The following MARCHF8 variants were observed in gnomAD, a reference collection of about 807,000 sequenced individuals.
The protein encoded by MARCHF8 is membrane associated ring-CH-type finger 8, also known as E3 ubiquitin-protein ligase MARCHF8.
A neutral mutation model predicts 51.6 loss-of-function variants in MARCHF8; 40 were observed. That is an observed-to-expected ratio of 0.77 (90% confidence interval 0.60 to 1.01). MARCHF8 has a LOEUF of 1.01. Ranked by LOEUF, MARCHF8 falls within the 50% of genes least tolerant of loss-of-function variation. MARCHF8 has a pLI of 0.00. For synonymous variants in MARCHF8, 263 were observed against 280.3 expected, an observed-to-expected ratio of 0.94 and a Z score of 0.62; for missense variants, 685 against 708.6, an observed-to-expected ratio of 0.97 and a Z score of 0.38.
chr10:45,517,829 A>C (rs970548), intron 2 of MARCHF8, among the ~76,000 whole-genome samples: 35,587 of 152,122 alleles, frequency 0.23, 4,386 homozygotes, highest in Admixed American at 0.3. Context: ...TGTCCTCCTT[A>C]GCAGACTGAT....
intron 2 of MARCHF8, among the ~76,000 whole-genome samples, chr10:45,502,506 G>A (rs1307187419): frequency 6.6e-6 from 1 of 152,090 alleles, no homozygotes; most frequent in South Asian, 2.1e-4. Context: ...GCATACCATA[G>A]TCAAATTAAT....
chr10:45,534,810 C>T (rs1310203447), intron 1 of MARCHF8, among the ~76,000 whole-genome samples: 2 of 152,104 alleles, frequency 1.3e-5, no homozygotes, highest in African/African-American at 4.8e-5. Flanking sequence ...AAACTCTACT[C>T]TGGATCAAAG....
At chr10:45,499,881 T>C (rs943898177) in intron 2 of MARCHF8, among the ~76,000 whole-genome samples, 1 of 152,202 alleles carries the variant, frequency 6.6e-6, no homozygotes, top group Admixed American at 6.5e-5. Context: ...ACCATCACTT[T>C]GTTCTTTTTG....
intron 2 of MARCHF8, among the ~76,000 whole-genome samples, chr10:45,526,818 T>C (rs1176826626): frequency 2.0e-5 from 3 of 152,096 alleles, no homozygotes; most frequent in African/African-American, 4.8e-5. Flanking sequence ...TCACAGAATA[T>C]ACATTCTTCT....
intron 2 of MARCHF8, among the ~76,000 whole-genome samples, chr10:45,511,728 G>A (rs576917067): frequency 3.3e-4 from 50 of 152,316 alleles, no homozygotes; most frequent in South Asian, 1.2e-3. Context: ...TGCCCAGGCT[G>A]GAGTGCAGTG....
chr10:45,560,251 T>G (rs1162530293), intron 1 of MARCHF8, among the ~76,000 whole-genome samples: 1 of 152,168 alleles, frequency 6.6e-6, no homozygotes, highest in Admixed American at 6.5e-5. Flanking sequence ...TAGGAACAAT[T>G]GCAGAACGAT....
At chr10:45,510,656 AGTAATGTGATTATC>A (rs2043481549) in intron 2 of MARCHF8, among the ~76,000 whole-genome samples, 1 of 152,204 alleles carries the variant, frequency 6.6e-6, no homozygotes, top group African/African-American at 2.4e-5. Flanking sequence ...CCAAATTTCT[AGTAATGTGATTATC>A]TGTTTCCACC....
chr10:45,540,459 A>G (rs1251033917), intron 1 of MARCHF8, among the ~76,000 whole-genome samples: 1 of 152,244 alleles, frequency 6.6e-6, no homozygotes, highest in African/African-American at 2.4e-5. Context: ...TAAAACCATA[A>G]AAACCCTAGA....
intron 1 of MARCHF8, among the ~76,000 whole-genome samples, chr10:45,565,792 G>A (rs2044357963): frequency 6.6e-6 from 1 of 152,120 alleles, no homozygotes; most frequent in South Asian, 2.1e-4. Flanking sequence ...CTGCTCTTGG[G>A]AAAATAGTAT....
intron 2 of MARCHF8, among the ~76,000 whole-genome samples, chr10:45,521,203 G>C (rs1322451063): frequency 6.6e-6 from 1 of 152,166 alleles, no homozygotes; most frequent in Non-Finnish European, 1.5e-5. Context: ...TCTGAATCCA[G>C]AATGTGCCCA....
chr10:45,504,618 A>G (rs1255900772), intron 2 of MARCHF8, among the ~76,000 whole-genome samples: 2 of 152,210 alleles, frequency 1.3e-5, no homozygotes, highest in Non-Finnish European at 2.9e-5. Context: ...AAGTGAATGG[A>G]CACTCACTCA....
chr10:45,530,878 G>A (rs1801322228), intron 2 of MARCHF8, among the ~76,000 whole-genome samples: 3 of 151,978 alleles, frequency 2.0e-5, no homozygotes, highest in Non-Finnish European at 4.4e-5. Flanking sequence ...CAGAAAAGAG[G>A]ACTAAAACTG....
chr10:45,495,440 G>T (rs2043156110), intron 2 of MARCHF8, among the ~76,000 whole-genome samples: 1 of 152,000 alleles, frequency 6.6e-6, no homozygotes, highest in South Asian at 2.1e-4. Context: ...TGATGCTTTT[G>T]TGAGGACCCA....
At chr10:45,459,920 A>C in intron 6 of MARCHF8, 1 of 984,206 alleles carries the variant, frequency 1.0e-6, no homozygotes, top group Non-Finnish European at 1.2e-6. Context: ...GTAGAGAGAA[A>C]GAACAATGTG....
intron 2 of MARCHF8, among the ~76,000 whole-genome samples, chr10:45,507,328 A>G (rs1246878298): frequency 6.6e-6 from 1 of 152,238 alleles, no homozygotes; most frequent in Non-Finnish European, 1.5e-5. Flanking sequence ...GCATTACTAT[A>G]AAGGAATACC....
intron 3 of MARCHF8, among the ~76,000 whole-genome samples, chr10:45,474,987 T>A (rs1564471872): frequency 6.6e-6 from 1 of 152,154 alleles, no homozygotes; most frequent in Non-Finnish European, 1.5e-5. Context: ...CACACACCCC[T>A]GGAGTCCAAG....
intron 3 of MARCHF8, among the ~76,000 whole-genome samples, chr10:45,470,256 T>C (rs1357234624): frequency 1.3e-5 from 2 of 152,176 alleles, no homozygotes; most frequent in Middle Eastern, 3.2e-3. Context: ...CCTGGAGGCC[T>C]GGGGAGGACT....
chr10:45,581,450 C>T (rs2044554636), intron 1 of MARCHF8, among the ~76,000 whole-genome samples: 1 of 152,166 alleles, frequency 6.6e-6, no homozygotes, highest in South Asian at 2.1e-4. Flanking sequence ...ATTACCTCCT[C>T]ACTCAGATGC....
chr10:45,464,848 G>A (rs763355235), intron 3 of MARCHF8, among the ~76,000 whole-genome samples: 1 of 152,174 alleles, frequency 6.6e-6, no homozygotes, highest in Non-Finnish European at 1.5e-5. Flanking sequence ...TCACACAAAA[G>A]GGAGTCCAGA....
Sources: gnomAD v4.1 joint callset for allele counts (sites outside exome capture counted in the v4.1 genomes callset) on GRCh38, gnomAD v4.1.1 for gene constraint, MANE v1.5 for transcripts, NCBI Gene and HGNC (gene_info 2026-07-23, HGNC 2026-07-21) for gene names.